PCDH15: variants seen among roughly 807,000 people sequenced by gnomAD.
PCDH15 encodes the protein protocadherin-15.
In PCDH15, 129 loss-of-function variants were observed where a neutral mutation model predicts 178.5. The observed-to-expected ratio is 0.72, with a 90% CI of 0.63 to 0.84. PCDH15 has a LOEUF of 0.84. Ranked by LOEUF, PCDH15 falls within the 40% of genes least tolerant of loss-of-function variation. The pLI is 0.00. For synonymous variants in PCDH15, 800 were observed against 732.0 expected (o/e 1.09, Z -1.50); for missense variants, 2,230 against 2,099.9 (o/e 1.06, Z -1.21).
intron 14 of PCDH15, among the ~76,000 whole-genome samples, chr10:54,144,959 T>C (rs896481337): frequency 1.3e-5 from 2 of 152,154 alleles, no homozygotes; most frequent in African/African-American, 2.4e-5. Flanking sequence ...TTTTTACTTA[T>C]CTATGTGTGA....
At chr10:55,042,004 A>G (rs1041175400) in intron 2 of PCDH15, among the ~76,000 whole-genome samples, 7 of 152,206 alleles carry the variant, frequency 4.6e-5, no homozygotes, top group African/African-American at 1.4e-4. Flanking sequence ...ACTATTCATG[A>G]TTTCATTTGG....
At chr10:54,103,639 C>A (rs1327960107) in intron 15 of PCDH15, among the ~76,000 whole-genome samples, 1 of 152,174 alleles carries the variant, frequency 6.6e-6, no homozygotes, top group African/African-American at 2.4e-5. Flanking sequence ...ACTCCCTAAG[C>A]CTTTAGATCC....
At chr10:54,119,010 T>A (rs2095167966) in intron 15 of PCDH15, among the ~76,000 whole-genome samples, 1 of 152,032 alleles carries the variant, frequency 6.6e-6, no homozygotes, top group Admixed American at 6.6e-5. Context: ...CCCACCTGCA[T>A]GAAAAAGTTA....
intron 2 of PCDH15, among the ~76,000 whole-genome samples, chr10:55,153,427 T>C (rs1321026921): frequency 6.6e-6 from 1 of 152,172 alleles, no homozygotes; most frequent in Admixed American, 6.6e-5. Context: ...AATTTTGTAA[T>C]CATTACTGGG....
intron 15 of PCDH15, among the ~76,000 whole-genome samples, chr10:54,092,720 T>A (rs2094620911): frequency 6.6e-6 from 1 of 152,154 alleles, no homozygotes; most frequent in African/African-American, 2.4e-5. Context: ...GAACCACAAA[T>A]AATGATACTC....
intron 13 of PCDH15, among the ~76,000 whole-genome samples, chr10:54,163,193 G>A (rs899241378): frequency 2.0e-5 from 3 of 152,130 alleles, no homozygotes; most frequent in Middle Eastern, 3.4e-3. Context: ...TACTTGAATC[G>A]TATTCATATC....
intron 3 of PCDH15, among the ~76,000 whole-genome samples, chr10:54,480,844 A>G (rs2078663374): frequency 6.6e-6 from 1 of 152,008 alleles, no homozygotes; most frequent in Admixed American, 6.6e-5. Context: ...CTTTTTTCAT[A>G]GAAACATTAA....
intron 10 of PCDH15, among the ~76,000 whole-genome samples, chr10:54,211,201 T>C (rs1301784797): frequency 2.0e-5 from 3 of 151,770 alleles, no homozygotes; most frequent in Non-Finnish European, 1.5e-5. Flanking sequence ...TTTTATTTTA[T>C]GAGTGTAGTG....
At chr10:54,655,082 G>C (rs1328905836) in intron 2 of PCDH15, 5 of 152,306 alleles carry the variant, frequency 3.3e-5, no homozygotes, top group African/African-American at 1.2e-4. Flanking sequence ...GCGGTGGCGG[G>C]AGCCTGTGGT....
intron 13 of PCDH15, among the ~76,000 whole-genome samples, chr10:54,163,043 T>G (rs552949405): frequency 6.6e-6 from 1 of 151,916 alleles, no homozygotes; most frequent in East Asian, 2.0e-4. Flanking sequence ...TGACCCCATA[T>G]CCTGATGATT....
intron 25 of PCDH15, among the ~76,000 whole-genome samples, chr10:53,914,381 T>C (rs188578270): frequency 2.0e-5 from 3 of 152,258 alleles, no homozygotes; most frequent in East Asian, 1.9e-4. Context: ...CCATCAATGA[T>C]AGACTGGATT....
At chr10:55,041,691 C>A (rs866778395) in intron 2 of PCDH15, among the ~76,000 whole-genome samples, 2 of 152,030 alleles carry the variant, frequency 1.3e-5, no homozygotes, top group Admixed American at 1.3e-4. Context: ...ACTATTTTGT[C>A]TAATAACTTG....
At chr10:54,095,745 C>T (rs907559886) in intron 15 of PCDH15, among the ~76,000 whole-genome samples, 2 of 151,912 alleles carry the variant, frequency 1.3e-5, no homozygotes, top group African/African-American at 4.8e-5. Flanking sequence ...ATTAAGAAGT[C>T]CTTAATAGGA....
At chr10:53,861,459 G>A (rs1181447450) in intron 27 of PCDH15, among the ~76,000 whole-genome samples, 1 of 152,044 alleles carries the variant, frequency 6.6e-6, no homozygotes. Context: ...CTATTTCTAT[G>A]TCCTTTCCAT....
intron 1 of PCDH15, among the ~76,000 whole-genome samples, chr10:54,725,644 A>T (rs543657173): frequency 6.7e-6 from 1 of 150,168 alleles, no homozygotes; most frequent in East Asian, 1.9e-4. Context: ...ATAAAGAAAT[A>T]GTCTACAATT....
chr10:55,068,768 A>ATT (rs1461082098), intron 2 of PCDH15, among the ~76,000 whole-genome samples: 1 of 102,510 alleles, frequency 9.8e-6, no homozygotes, highest in Non-Finnish European at 2.2e-5. Context: ...TTCTTTCATC[A>ATT]TTGTGTGTGT....
intron 2 of PCDH15, among the ~76,000 whole-genome samples, chr10:54,571,333 GAAA>G (rs60604711): frequency 1.6e-5 from 2 of 128,574 alleles, no homozygotes; most frequent in African/African-American, 6.0e-5. Flanking sequence ...GACAAAATTT[GAAA>G]AAAAAAAAAA....
chr10:55,278,721 A>C (rs1842655330), intron 1 of PCDH15, among the ~76,000 whole-genome samples: 1 of 152,210 alleles, frequency 6.6e-6, no homozygotes, highest in Non-Finnish European at 1.5e-5. Context: ...TAAACTTTTA[A>C]AGAATATTTA....
intron 13 of PCDH15, among the ~76,000 whole-genome samples, chr10:54,161,206 C>T (rs1344335854): frequency 1.3e-5 from 2 of 152,098 alleles, no homozygotes; most frequent in African/African-American, 4.8e-5. Flanking sequence ...TATTAAGTAA[C>T]TCAAAGAAAC....
Sources: gnomAD v4.1 joint callset for allele counts (sites outside exome capture counted in the v4.1 genomes callset) on GRCh38, gnomAD v4.1.1 for gene constraint, MANE v1.5 for transcripts, NCBI Gene and HGNC (gene_info 2026-07-23, HGNC 2026-07-21) for gene names.